Variants in PTPRN2 observed in about 807,000 individuals in gnomAD.
PTPRN2 encodes receptor-type tyrosine-protein phosphatase N2.
A neutral mutation model predicts 118.8 loss-of-function variants in PTPRN2; 74 were observed. The observed-to-expected ratio is 0.62, with a 90% CI of 0.52 to 0.76. The LOEUF (loss-of-function observed/expected upper bound fraction) is 0.76, where lower values mean the gene tolerates loss of function less well. Ranked by LOEUF, PTPRN2 falls within the 30% of genes least tolerant of loss-of-function variation. The probability of loss-of-function intolerance (pLI) is 0.00; values close to 1 mark genes in which losing one functional copy is unlikely to be tolerated. For missense variants in PTPRN2, 1,481 were observed against 1,394.4 expected, an observed-to-expected ratio of 1.06 and a Z score of -0.99; for synonymous variants, 641 against 608.0, an observed-to-expected ratio of 1.05 and a Z score of -0.80.
At chr7:158,342,348 A>G (rs1586394296) in intron 2 of PTPRN2, among the ~76,000 whole-genome samples, 1 of 142,444 alleles carries the variant, frequency 7.0e-6, no homozygotes, top group East Asian at 2.1e-4. Context: ...ACACCTGCAG[A>G]CGTCACTCAC....
intron 12 of PTPRN2, among the ~76,000 whole-genome samples, chr7:157,771,810 C>T (rs1446880250): frequency 6.9e-6 from 1 of 145,112 alleles, no homozygotes; most frequent in African/African-American, 2.7e-5. Flanking sequence ...CACAAACACA[C>T]AGACACAGAC....
chr7:158,291,446 C>T (rs1275229279), intron 3 of PTPRN2, among the ~76,000 whole-genome samples: 1 of 152,106 alleles, frequency 6.6e-6, no homozygotes, highest in East Asian at 1.9e-4. Context: ...AGTCTAAGCT[C>T]TAGGAGCTTC....
At position 157,938,394 on chromosome 7, in the gene PTPRN2, G is replaced by A. The variant is rs76113621; in HGVS notation, c.1724-39657C>T. Among the ~76,000 whole-genome samples the A allele has an allele frequency of 9.5e-3, 1,453 of 152,340 alleles. 5 individuals are homozygous for A. The highest frequency in any genetic ancestry group is 0.016 in the Non-Finnish European group (1,076 of 68,030). On this transcript the variant is annotated intron_variant, in intron 11 of 22. Coordinates refer to ENST00000389418, the MANE Select transcript of PTPRN2 (RefSeq NM_002847.5). ...TCTGCCCTGGGGATCCTGCTGAAAG[G>A]TTCTTGAGCTGCTGCTCAGCAGGGA...
At chr7:157,545,705 A>G (rs1798285389) in intron 22 of PTPRN2, among the ~76,000 whole-genome samples, 1 of 152,030 alleles carries the variant, frequency 6.6e-6, no homozygotes, top group Non-Finnish European at 1.5e-5. Context: ...CAGGGAGGAA[A>G]CAGCTCTCCT....
chr7:158,554,781 C>T (rs1253853430), intron 1 of PTPRN2, among the ~76,000 whole-genome samples: 4 of 152,104 alleles, frequency 2.6e-5, no homozygotes, highest in African/African-American at 7.2e-5. Flanking sequence ...GTGGCTCCCC[C>T]GATCCAGCGC....
intron 3 of PTPRN2, among the ~76,000 whole-genome samples, chr7:158,256,076 T>G (rs1267107137): frequency 6.6e-6 from 1 of 152,238 alleles, no homozygotes; most frequent in African/African-American, 2.4e-5. Flanking sequence ...CTGTGTGTTC[T>G]GTCTCATCCA....
chr7:157,645,905 A>G (rs371715903), intron 14 of PTPRN2, among the ~76,000 whole-genome samples: 1 of 152,244 alleles, frequency 6.6e-6, no homozygotes, highest in African/African-American at 2.4e-5. Flanking sequence ...CCCTTGGTAC[A>G]ATATGACAAA....
intron 12 of PTPRN2, among the ~76,000 whole-genome samples, chr7:157,736,463 G>A (rs995899578): frequency 2.0e-5 from 3 of 152,202 alleles, no homozygotes; most frequent in Non-Finnish European, 2.9e-5. Context: ...CCCCGTGCCT[G>A]CACCAGGGAA....
chr7:157,918,185 C>A (rs2128767505), intron 11 of PTPRN2, among the ~76,000 whole-genome samples: 1 of 152,296 alleles, frequency 6.6e-6, no homozygotes, highest in African/African-American at 2.4e-5. Context: ...AAAGCTGAAC[C>A]AGGCCTTCAC....
chr7:158,553,958 A>G (rs1328895458), intron 1 of PTPRN2, among the ~76,000 whole-genome samples: 3 of 151,948 alleles, frequency 2.0e-5, no homozygotes, highest in Non-Finnish European at 4.4e-5. Context: ...TTGGGAGTCT[A>G]TACCACATTT....
intron 4 of PTPRN2, 105 bp from the exon 5 acceptor site, chr7:158,192,600 C>T (rs1825867789): frequency 7.6e-7 from 1 of 1,323,264 alleles, no homozygotes; most frequent in Non-Finnish European, 1.0e-6. Context: ...GGGAGCCGGG[C>T]TCTCGGTGGC....
intron 3 of PTPRN2, among the ~76,000 whole-genome samples, chr7:158,258,900 G>A (rs543460691): frequency 2.6e-5 from 4 of 152,304 alleles, no homozygotes; most frequent in East Asian, 3.9e-4. Flanking sequence ...CTGCGTGGTC[G>A]TGCTGGGTAG....
Position 157,775,718 on chromosome 7 carries a change from G to T in PTPRN2, c.1789-92781C>A, listed in dbSNP as rs570224120. Among the ~76,000 whole-genome samples the T allele has an allele frequency of 1.6e-3, 249 of 152,266 alleles. 2 individuals carry two copies. In the Middle Eastern group the frequency reaches 0.02, roughly 12 times the overall value. On this transcript the variant is annotated intron_variant, in intron 12 of 22. Coordinates refer to ENST00000389418, the MANE Select transcript of PTPRN2 (RefSeq NM_002847.5). ...GCCTGGACGGAAGCTCCACGCCCTGGGGTACCTGCTGGGGCATCCAGGGTT... is the reference window on the plus strand; with the variant it reads ...GCCTGGACGGAAGCTCCACGCCCTGTGGTACCTGCTGGGGCATCCAGGGTT...
At chr7:157,698,783 C>T (rs551224247) in intron 12 of PTPRN2, among the ~76,000 whole-genome samples, 1 of 152,220 alleles carries the variant, frequency 6.6e-6, no homozygotes, top group East Asian at 1.9e-4. Context: ...TTATTATTTA[C>T]AGAATAATGC....
chr7:158,274,451 C>T (rs1388619118), intron 3 of PTPRN2, among the ~76,000 whole-genome samples: 176 of 93,614 alleles, frequency 1.9e-3, no homozygotes, highest in African/African-American at 6.8e-3. Context: ...GCCGCAGACA[C>T]GGGGAGCCGC....
At chr7:158,365,502 C>G (rs180739047) in intron 2 of PTPRN2, among the ~76,000 whole-genome samples, 1 of 152,204 alleles carries the variant, frequency 6.6e-6, no homozygotes, top group Non-Finnish European at 1.5e-5. Context: ...ACAGGAAACA[C>G]GTTCGCTCCC....
chr7:157,649,152 C>G (rs1438008454), intron 14 of PTPRN2, among the ~76,000 whole-genome samples: 1 of 111,690 alleles, frequency 9.0e-6, no homozygotes, highest in African/African-American at 3.3e-5. Context: ...TCGGACCCAT[C>G]CAGCGTGCAC....
chr7:158,034,650 A>C (rs1392793833), intron 11 of PTPRN2, among the ~76,000 whole-genome samples: 3 of 152,216 alleles, frequency 2.0e-5, no homozygotes, highest in Non-Finnish European at 4.4e-5. Flanking sequence ...TGTGAAAAAA[A>C]ACTAACACAG....
intron 14 of PTPRN2, among the ~76,000 whole-genome samples, chr7:157,649,018 ACT>A: frequency 7.2e-6 from 1 of 138,900 alleles, no homozygotes; most frequent in Non-Finnish European, 1.5e-5. Context: ...GGATCCATTC[ACT>A]GTGCACTGAA....
Sources: gnomAD v4.1 joint callset for allele counts (sites outside exome capture counted in the v4.1 genomes callset) on GRCh38, gnomAD v4.1.1 for gene constraint, MANE v1.5 for transcripts, NCBI Gene and HGNC (gene_info 2026-07-23, HGNC 2026-07-21) for gene names.